Variants in TMEM209 observed in about 807,000 individuals in gnomAD.
TMEM209 encodes the protein testicular tissue protein Li 202.
Under a neutral mutation model 76.2 loss-of-function variants are expected in TMEM209, and 65 were observed. The ratio of observed to expected loss-of-function variants is 0.85; its 90% CI spans 0.70 to 1.05. The LOEUF (loss-of-function observed/expected upper bound fraction) is 1.05, where lower values mean the gene tolerates loss of function less well. TMEM209 is among the 50% of genes least tolerant of loss of function. TMEM209 has a pLI of 0.00. For missense variants in TMEM209, 623 were observed against 685.5 expected, an observed-to-expected ratio of 0.91 and a Z score of 1.02; for synonymous variants, 239 against 237.6, an observed-to-expected ratio of 1.01 and a Z score of -0.06.
Position 130,165,508 on chromosome 7 carries a change from C to T in TMEM209, c.*943G>A, listed in dbSNP as rs1340508140. On this transcript the variant is annotated 3_prime_UTR_variant, in exon 15 of 15. Coordinates refer to ENST00000397622, the MANE Select transcript of TMEM209 (RefSeq NM_032842.4). ...AAACAGTTTTCCTGATGTCCTCACA[C>T]TCTTAACTAAAACCCAAATTAAAAC... 1 of 152,098 alleles carries T rather than the reference C, an allele frequency of 6.6e-6. No individual in the cohort carries two copies. The highest frequency in any genetic ancestry group is 2.4e-5 in the African/African-American group (1 of 41,424). The allele number at this position is 152,098 out of a possible 1,614,324, so 9.4% of individuals were successfully genotyped here.
At chr7:130,178,281 A>C in intron 10 of TMEM209, 121 bp downstream of exon 10, 1 of 954,762 alleles carries the variant, frequency 1.0e-6, no homozygotes, top group Non-Finnish European at 1.5e-6. Flanking sequence ...AGCTATAATT[A>C]ATACGTATTT....
intron 5 of TMEM209, among the ~76,000 whole-genome samples, chr7:130,200,306 A>G (rs1562899164): frequency 6.6e-6 from 1 of 152,182 alleles, no homozygotes; most frequent in African/African-American, 2.4e-5. Context: ...ACGATAGACT[A>G]TTGTCATGTT....
In TMEM209 at chr7:130,166,324, A is replaced by C. The variant is rs547359585; in HGVS notation, c.*127T>G. On this transcript the variant is annotated 3_prime_UTR_variant, in exon 15 of 15. Transcript: ENST00000397622. ...TCATAACAGCTACATTTTCTGTTAA[A>C]TCTAAAGAGTCTGTAACATACACCC... The C allele has an allele frequency of 5.1e-5, 30 of 589,322 alleles. No individual in the cohort carries two copies. In the East Asian group the frequency reaches 9.7e-4, roughly 19 times the overall value. 36.5% of individuals were successfully genotyped at this position (589,322 alleles called of 1,614,324 possible). A position where few individuals can be genotyped will look rare whatever the true frequency, so the allele number is the denominator to read the frequency against.
intron 5 of TMEM209, among the ~76,000 whole-genome samples, chr7:130,195,005 CTAT>C (rs1797924104): frequency 6.6e-6 from 1 of 151,928 alleles, no homozygotes; most frequent in Non-Finnish European, 1.5e-5. Flanking sequence ...TATATCTGGG[CTAT>C]TATTGCATTA....
chr7:130,168,797 T>C (rs1385606250), intron 14 of TMEM209, among the ~76,000 whole-genome samples: 2 of 152,160 alleles, frequency 1.3e-5, no homozygotes, highest in Non-Finnish European at 2.9e-5. Flanking sequence ...TAGAAATTAG[T>C]TCTAGTTTAT....
intron 6 of TMEM209, among the ~76,000 whole-genome samples, chr7:130,188,554 C>T (rs755718865): frequency 7.6e-5 from 11 of 145,508 alleles, no homozygotes; most frequent in African/African-American, 2.8e-4. Context: ...CGAGATCACA[C>T]CACTGCACTC....
intron 13 of TMEM209, among the ~76,000 whole-genome samples, chr7:130,172,998 C>CAAAAAAA (rs67876495): frequency 1.2e-5 from 1 of 86,690 alleles, no homozygotes; most frequent in Admixed American, 1.5e-4. Flanking sequence ...GACTCTATCT[C>CAAAAAAA]AAAAAAAAAA....
At chr7:130,172,854 C>T (rs1562885087) in intron 13 of TMEM209, among the ~76,000 whole-genome samples, 1 of 151,532 alleles carries the variant, frequency 6.6e-6, no homozygotes, top group South Asian at 2.1e-4. Flanking sequence ...AAAAAAATAG[C>T]CGGGTGTGGT....
At chr7:130,168,613 G>A (rs1224738980) in intron 14 of TMEM209, among the ~76,000 whole-genome samples, 1 of 152,100 alleles carries the variant, frequency 6.6e-6, no homozygotes, top group Non-Finnish European at 1.5e-5. Flanking sequence ...TATGCCATAA[G>A]CCTAAAAATT....
In TMEM209 at chr7:130,201,903, T is replaced by G. The variant is rs1798217160; in HGVS notation, c.520A>C (p.Ser174Arg). ...PQLQGLSSGG[S>R]GSYSPGVTYS... ...GTCACTCCAGGGCTATAAGAACCAC[T>G]GCCACCTGAGGACAGACCTTGCAGC... is the stretch of plus-strand genomic sequence containing the variant. Residue 174 changes from serine to arginine, a missense_variant, in exon 5 of 15, where the codon AGT becomes CGT. Physicochemically the swap from Ser to Arg is moderately radical, Grantham distance 110. Transcript: ENST00000397622. The G allele has an allele frequency of 3.1e-6, 5 of 1,613,902 alleles. No homozygotes were observed. Among genetic ancestry groups the G allele is most frequent in the Non-Finnish European group, 4.2e-6 (5 of 1,179,854 alleles).
chr7:130,186,021 C>G (rs1198702501), intron 6 of TMEM209, among the ~76,000 whole-genome samples: 2 of 152,156 alleles, frequency 1.3e-5, no homozygotes, highest in African/African-American at 2.4e-5. Flanking sequence ...TGTCTGTTTT[C>G]CCAAATAGAA....
In TMEM209 at chr7:130,165,424, G is replaced by C. The variant is rs1303557211; in HGVS notation, c.*1027C>G. ...GGATATCACTGTGATCTTAAAAAGA[G>C]AACTTTAAAAATAACACATTATGGA... On this transcript the variant is annotated 3_prime_UTR_variant, in exon 15 of 15. Coordinates refer to ENST00000397622, the MANE Select transcript of TMEM209 (RefSeq NM_032842.4). The C allele has an allele frequency of 6.6e-6, 1 of 152,032 alleles. No homozygotes were observed. Among genetic ancestry groups the C allele is most frequent in the Non-Finnish European group, 1.5e-5 (1 of 68,008 alleles). 9.4% of individuals were successfully genotyped at this position (152,032 alleles called of 1,614,324 possible). A position where few individuals can be genotyped will look rare whatever the true frequency, so the allele number is the denominator to read the frequency against.
At chr7:130,204,885 G>A in intron 1 of TMEM209, 1 of 997,420 alleles carries the variant, frequency 1.0e-6, no homozygotes, top group South Asian at 4.0e-5. Context: ...CAACAACTCT[G>A]CACTTGGACA....
intron 5 of TMEM209, among the ~76,000 whole-genome samples, chr7:130,195,397 TG>T (rs1797937125): frequency 6.6e-6 from 1 of 152,130 alleles, no homozygotes; most frequent in Non-Finnish European, 1.5e-5. Context: ...AAACTCCTAT[TG>T]GATCTAATTG....
chr7:130,193,562 C>G (rs1348479315), intron 5 of TMEM209, among the ~76,000 whole-genome samples: 1 of 151,464 alleles, frequency 6.6e-6, no homozygotes, highest in African/African-American at 2.4e-5. Flanking sequence ...AAAAAGTGAG[C>G]TATCAAGCTA....
rs1449899036 is a variant in TMEM209 at position 130,184,171 on chromosome 7, T to C, written c.1023+13A>G. The C allele has an allele frequency of 6.3e-7, 1 of 1,582,514 alleles. No individual in the cohort carries two copies. The highest frequency in any genetic ancestry group is 8.6e-7 in the Non-Finnish European group (1 of 1,160,428). On this transcript the variant is annotated intron_variant, in intron 8 of 14. Transcript: ENST00000397622. ...GGCACTAATATTGTCCAAAGAGTAA[T>C]GTCAGAACTTACATTTCTAAATTTA...
chr7:130,203,940 T>TAA, intron 2 of TMEM209, 34 bp downstream of exon 2: 1 of 1,607,474 alleles, frequency 6.2e-7, no homozygotes, highest in Non-Finnish European at 8.5e-7. Context: ...ACTGGCTTCT[T>TAA]AAAGTTTCAC....
chr7:130,181,178 C>T (rs1797400308), intron 9 of TMEM209, among the ~76,000 whole-genome samples: 1 of 152,168 alleles, frequency 6.6e-6, no homozygotes, highest in East Asian at 1.9e-4. Context: ...ACTTTGAAAG[C>T]ATTATGCTCA....
chr7:130,202,452 C>G, intron 4 of TMEM209, 80 bp downstream of exon 4: 1 of 1,527,324 alleles, frequency 6.5e-7, no homozygotes, highest in Non-Finnish European at 8.8e-7. Context: ...AGCTTTGAGT[C>G]TACGAAATGG....
Sources: allele counts gnomAD v4.1 joint callset (sites outside exome capture counted in the v4.1 genomes callset), GRCh38; gene constraint gnomAD v4.1.1; transcripts MANE v1.5; gene names NCBI Gene and HGNC (gene_info 2026-07-23, HGNC 2026-07-21).